FREM2: variants seen among roughly 807,000 people sequenced by gnomAD.
FREM2 encodes the protein FRAS1 related extracellular matrix 2.
Under a neutral mutation model 219.9 loss-of-function variants are expected in FREM2, and 119 were observed. The observed-to-expected ratio is 0.54, with a 90% CI of 0.47 to 0.63. The LOEUF (loss-of-function observed/expected upper bound fraction) is 0.63. FREM2 is among the 30% of genes least tolerant of loss of function. FREM2 has a pLI of 0.00. For missense variants in FREM2, 4,030 were observed against 3,993.6 expected (o/e 1.01, Z -0.25); for synonymous variants, 1,562 against 1,522.8 (o/e 1.03, Z -0.60).
rs184474048 is a variant in FREM2, at chr13:38,701,529, C to T, written c.5263+3742C>T. 6.2e-4 allele frequency among the ~76,000 whole-genome samples: 95 copies of T among 152,160 alleles called. 1 individual carries two copies. The highest frequency in any genetic ancestry group is 2.2e-3 in the African/African-American group (91 of 41,542). On this transcript the variant is annotated intron_variant, in intron 2 of 23. Transcript: ENST00000280481. ...GTTAGGGAGAAATAAAATATTTATT[C>T]TTTTATCCTCTTTGTAGTCAAACAT...
At chr13:38,781,640 TA>T (rs1249954147) in intron 4 of FREM2, among the ~76,000 whole-genome samples, 1 of 152,140 alleles carries the variant, frequency 6.6e-6, no homozygotes, top group Non-Finnish European at 1.5e-5. Context: ...ACAGATTTCT[TA>T]AAATGGGGGC....
At chr13:38,703,125 GA>G (rs2138085330) in intron 2 of FREM2, among the ~76,000 whole-genome samples, 1 of 152,238 alleles carries the variant, frequency 6.6e-6, no homozygotes, top group East Asian at 1.9e-4. Flanking sequence ...ATTTTTAATA[GA>G]AGGAGTACAA....
At chr13:38,760,761 C>T (rs1160173064) in intron 2 of FREM2, among the ~76,000 whole-genome samples, 1 of 151,934 alleles carries the variant, frequency 6.6e-6, no homozygotes, top group Non-Finnish European at 1.5e-5. Flanking sequence ...AGATGTTTTT[C>T]TAACAATAAG....
chr13:38,724,680 C>T (rs1269641161), intron 2 of FREM2, among the ~76,000 whole-genome samples: 1 of 151,978 alleles, frequency 6.6e-6, no homozygotes, highest in African/African-American at 2.4e-5. Context: ...TAGTTAGAAC[C>T]AACATTATGA....
intron 6 of FREM2, among the ~76,000 whole-genome samples, chr13:38,788,964 A>G (rs1010392398): frequency 5.9e-5 from 9 of 152,120 alleles, no homozygotes; most frequent in African/African-American, 2.2e-4. Context: ...TTTTAGATTT[A>G]CTAGTGTTAA....
intron 6 of FREM2, among the ~76,000 whole-genome samples, chr13:38,831,842 A>T (rs1464827037): frequency 6.7e-6 from 1 of 150,212 alleles, no homozygotes; most frequent in East Asian, 2.0e-4. Context: ...CTGATCTCGA[A>T]CTCCTGACCT....
chr13:38,876,446 TA>T (rs67517056), intron 20 of FREM2, 64 bp downstream of exon 20: 100,754 of 1,073,018 alleles, frequency 0.094, 1 homozygote, highest in South Asian at 0.15. Context: ...CATTTATTAG[TA>T]AAAAAAAAAA....
At position 38,847,433 on chromosome 13, in the gene FREM2, G is replaced by C. The variant is rs148906915; in HGVS notation, c.6169+711G>C. 8.1e-3 allele frequency among the ~76,000 whole-genome samples: 1,225 copies of C among 152,170 alleles called. 12 individuals are homozygous for C. Among genetic ancestry groups the C allele is most frequent in the African/African-American group, 0.028 (1,173 of 41,526 alleles). On this transcript the variant is annotated intron_variant, in intron 7 of 23. Coordinates refer to ENST00000280481, the MANE Select transcript of FREM2 (RefSeq NM_207361.6). Reference sequence around the variant, plus strand: ...TATACCATTTTAAAAGTCACCCTTAGGTTTTAACTTTTTTAATGTAGTGGA... The same window carrying C: ...TATACCATTTTAAAAGTCACCCTTACGTTTTAACTTTTTTAATGTAGTGGA...
chr13:38,824,133 G>T (rs531432848), intron 6 of FREM2, among the ~76,000 whole-genome samples: 19 of 152,188 alleles, frequency 1.2e-4, no homozygotes, highest in Admixed American at 7.2e-4. Context: ...CAGAGTGGTA[G>T]TATTGTGGGA....
chr13:38,755,690 A>G (rs1872968713), intron 2 of FREM2, among the ~76,000 whole-genome samples: 1 of 152,208 alleles, frequency 6.6e-6, no homozygotes, highest in African/African-American at 2.4e-5. Flanking sequence ...CAAGAAAATC[A>G]GCTTCCATGA....
chr13:38,859,173 A>G, intron 13 of FREM2, 114 bp from the exon 14 acceptor site: 1 of 985,364 alleles, frequency 1.0e-6, no homozygotes, highest in Non-Finnish European at 1.6e-6. Context: ...CTGTATAAAC[A>G]GCATGTGGAA....
In FREM2 at chr13:38,776,804, G is replaced by C. The variant is rs996691729; in HGVS notation, c.5642-6266G>C. 5.9e-5 allele frequency among the ~76,000 whole-genome samples: 9 copies of C among 151,390 alleles called. No homozygotes were observed. In the East Asian group the frequency reaches 1.7e-3, roughly 29 times the overall value. On this transcript the variant is annotated intron_variant, in intron 4 of 23. Transcript: ENST00000280481. ...GCTAAAAAGAAAAAAAAAAAACCCA[G>C]AGGTCTATTCACTTAATTTCAAAAA... is the stretch of plus-strand genomic sequence containing the variant.
chr13:38,863,809 A>G (rs1877850935), intron 15 of FREM2, among the ~76,000 whole-genome samples: 1 of 151,964 alleles, frequency 6.6e-6, no homozygotes, highest in African/African-American at 2.4e-5. Context: ...TTCTTAGTAT[A>G]CCACTTTTTT....
At chr13:38,863,768 T>A (rs1484570251) in intron 15 of FREM2, among the ~76,000 whole-genome samples, 1 of 152,112 alleles carries the variant, frequency 6.6e-6, no homozygotes, top group African/African-American at 2.4e-5. Flanking sequence ...AAGTCATGGA[T>A]CTCTTGAAAT....
At chr13:38,871,873 G>A (rs1044612863) in intron 16 of FREM2, among the ~76,000 whole-genome samples, 4 of 152,090 alleles carry the variant, frequency 2.6e-5, no homozygotes, top group African/African-American at 9.7e-5. Flanking sequence ...CCAGAAGGAG[G>A]AAAGTATAAA....
chr13:38,821,131 CTTTGTAGA>C (rs544677140), intron 6 of FREM2, among the ~76,000 whole-genome samples: 178 of 152,170 alleles, frequency 1.2e-3, no homozygotes, highest in African/African-American at 4.1e-3. Context: ...CCTTCCTTCT[CTTTGTAGA>C]TAAATGTTAC....
chr13:38,688,121 C>G lies in FREM2; in HGVS notation c.777C>G (p.Phe259Leu). The G allele has an allele frequency of 6.2e-7, 1 of 1,613,354 alleles. No individual in the cohort carries two copies. Among genetic ancestry groups the G allele is most frequent in the Non-Finnish European group, 8.5e-7 (1 of 1,179,720 alleles). Residue 259 changes from phenylalanine (F) to leucine (L), a missense_variant, in exon 1 of 24, where the codon TTC becomes TTG. Transcript: ENST00000280481. ...PETLLMDCKA[F>L]QELGVRYRHT... is the part of the protein sequence containing the mutation. ...CTCTCCTGATGGACTGCAAAGCTTT[C>G]CAGGAACTAGGCGTGCGCTATCGCC...
At chr13:38,846,853 T>G in intron 7 of FREM2, 131 bp downstream of exon 7, 1 of 1,009,538 alleles carries the variant, frequency 9.9e-7, no homozygotes, top group East Asian at 2.4e-5. Flanking sequence ...TTGCTGAAAT[T>G]ATTACTCTAG....
intron 4 of FREM2, among the ~76,000 whole-genome samples, chr13:38,772,667 T>A (rs1873709685): frequency 6.6e-6 from 1 of 151,046 alleles, no homozygotes; most frequent in African/African-American, 2.4e-5. Context: ...TCCAAAATTA[T>A]ATGACAAAAA....
Sources: allele counts gnomAD v4.1 joint callset (sites outside exome capture counted in the v4.1 genomes callset), GRCh38; gene constraint gnomAD v4.1.1; transcripts MANE v1.5; gene names NCBI Gene and HGNC (gene_info 2026-07-23, HGNC 2026-07-21).